The following SYN2 variants were observed in gnomAD, a reference collection of about 807,000 sequenced individuals.
The protein encoded by SYN2 is synapsin-2.
A neutral mutation model predicts 50.9 loss-of-function variants in SYN2; 19 were observed. The ratio of observed to expected loss-of-function variants is 0.37; its 90% CI spans 0.26 to 0.55. The LOEUF (loss-of-function observed/expected upper bound fraction) is 0.55, where lower values mean the gene tolerates loss of function less well. Among genes scored for constraint, SYN2 ranks in the 20% least tolerant of loss-of-function variants. The pLI is 0.81. For missense variants in SYN2, 587 were observed against 576.4 expected (o/e 1.02, Z -0.19); for synonymous variants, 255 against 224.9 (o/e 1.13, Z -1.20).
In SYN2 at chr3:12,167,143, C is replaced by A. The variant is rs1697819378; in HGVS notation, c.981-91C>A. The A allele has an allele frequency of 4.5e-6, 6 of 1,319,364 alleles. No homozygotes were observed. The Admixed American group carries it at 7.9e-5, about 17-fold the overall frequency. 81.7% of individuals were successfully genotyped at this position (1,319,364 alleles called of 1,614,324 possible). A position where few individuals can be genotyped will look rare whatever the true frequency, so the allele number is the denominator to read the frequency against. On this transcript the variant is annotated intron_variant, in intron 7 of 12. Coordinates refer to ENST00000621198, the MANE Select transcript of SYN2 (RefSeq NM_133625.6). ...TTGTGGGAGAAGCAGGTGTGGAAAG[C>A]AACAGTGAACTAAAATTCTGGAAAG...
intron 1 of SYN2, among the ~76,000 whole-genome samples, chr3:12,122,742 G>T (rs1164188805): frequency 2.0e-5 from 3 of 152,034 alleles, no homozygotes; most frequent in Non-Finnish European, 4.4e-5. Flanking sequence ...ATTATGCCCA[G>T]CCACTGATAC....
chr3:12,169,659 C>A, intron 9 of SYN2, 98 bp from the exon 10 acceptor site: 2 of 1,357,704 alleles, frequency 1.5e-6, no homozygotes, highest in Non-Finnish European at 1.0e-6. Flanking sequence ...ATCTCCAGTC[C>A]ATCTCTGCTG....
At chr3:12,078,006 C>G (rs747101246) in intron 1 of SYN2, among the ~76,000 whole-genome samples, 1 of 152,034 alleles carries the variant, frequency 6.6e-6, no homozygotes, top group Non-Finnish European at 1.5e-5. Flanking sequence ...TTTTAATAAT[C>G]GCCATTCTGA....
intron 1 of SYN2, among the ~76,000 whole-genome samples, chr3:12,073,755 T>C (rs1396646534): frequency 6.6e-6 from 1 of 152,180 alleles, no homozygotes; most frequent in Admixed American, 6.6e-5. Flanking sequence ...TTGTTGAGGG[T>C]GACTTTATGA....
intron 1 of SYN2, among the ~76,000 whole-genome samples, chr3:12,038,517 G>A (rs1694549207): frequency 1.3e-5 from 2 of 151,910 alleles, no homozygotes; most frequent in South Asian, 2.1e-4. Flanking sequence ...GGAGATATTG[G>A]CATTTATTAA....
At chr3:12,161,808 T>G in intron 6 of SYN2, 200 bp downstream of exon 6, 1 of 968,300 alleles carries the variant, frequency 1.0e-6, no homozygotes, top group East Asian at 2.6e-5. Context: ...TGCTTGGTCC[T>G]CTGGGTCCTT....
chr3:12,188,735 T>C (rs1698392955), intron 12 of SYN2, among the ~76,000 whole-genome samples: 1 of 152,108 alleles, frequency 6.6e-6, no homozygotes, highest in Admixed American at 6.5e-5. Context: ...GGGAGGGGCA[T>C]CACCCACTCT....
chr3:12,190,501 C>T lies in SYN2; in HGVS notation c.1625C>T (p.Ser542Phe). The change falls in exon 13 of 13, where the codon TCC becomes TTC. Residue 542 changes from serine to phenylalanine, a missense_variant. By Grantham distance (155) the Ser-to-Phe change is radical. Coordinates refer to ENST00000621198, the MANE Select transcript of SYN2 (RefSeq NM_133625.6). ...TTTTTATCTTCAAGCAAGTCGCAGT[C>T]CCTGACAAATGCCTTCAGCTTCTCT... Reference protein sequence around the residue: ...QPHPQLNKSQSLTNAFSFSES... With the variant: ...QPHPQLNKSQFLTNAFSFSES... The T allele has an allele frequency of 6.2e-7, 1 of 1,613,834 alleles. No individual in the cohort carries two copies. Among genetic ancestry groups the T allele is most frequent in the Non-Finnish European group, 8.5e-7 (1 of 1,179,834 alleles).
chr3:12,190,352 C>G (rs1698422621), intron 12 of SYN2, 138 bp from the exon 13 acceptor site: 4 of 1,009,006 alleles, frequency 4.0e-6, no homozygotes, highest in East Asian at 2.4e-5. Flanking sequence ...AGCATGGCCA[C>G]TTCTGGCATT....
chr3:12,188,685 C>T (rs1223586014), intron 12 of SYN2, among the ~76,000 whole-genome samples: 8 of 152,104 alleles, frequency 5.3e-5, no homozygotes, highest in Admixed American at 4.6e-4. Context: ...CTCAGGTGTC[C>T]AGATGGTCAC....
intron 1 of SYN2, among the ~76,000 whole-genome samples, chr3:12,086,220 A>T (rs1695698558): frequency 6.6e-6 from 1 of 152,138 alleles, no homozygotes; most frequent in African/African-American, 2.4e-5. Flanking sequence ...GAGATTGAAT[A>T]AGTAATAAAA....
chr3:12,160,606 G>A (rs1040500104), intron 5 of SYN2, among the ~76,000 whole-genome samples: 4 of 152,224 alleles, frequency 2.6e-5, no homozygotes, highest in African/African-American at 9.6e-5. Flanking sequence ...GACCAAGATA[G>A]AGGCTGATGT....
At chr3:12,041,090 G>A (rs942862903) in intron 1 of SYN2, among the ~76,000 whole-genome samples, 3 of 152,204 alleles carry the variant, frequency 2.0e-5, no homozygotes, top group Admixed American at 2.0e-4. Flanking sequence ...AGCAGATGGA[G>A]TGAGGATTTC....
chr3:12,167,526 TC>T (rs1359759163), intron 8 of SYN2, among the ~76,000 whole-genome samples: 36 of 152,292 alleles, frequency 2.4e-4, no homozygotes, highest in Admixed American at 2.1e-3. Context: ...GGTAAAAGCT[TC>T]CTGAGGCCTC....
At position 12,162,054 on chromosome 3, in the gene SYN2, G is replaced by A. The variant is rs770070683; in HGVS notation, c.880G>A (p.Val294Met). 8 of 1,614,038 alleles carry A rather than the reference G, an allele frequency of 5.0e-6. No individual in the cohort carries two copies. Among genetic ancestry groups the A allele is most frequent in the Admixed American group, 3.3e-5 (2 of 60,022 alleles). ...CTACGACTTCCAGGACATTGCCAGC[G>A]TGGTGGCTCTCACCCAGACCTATGC... is the stretch of plus-strand genomic sequence containing the variant. ...NHYDFQDIASVVALTQTYATA... is the reference protein window; with the variant it reads ...NHYDFQDIASMVALTQTYATA... The change falls in exon 7 of 13, where the codon GTG becomes ATG. Residue 294 changes from valine to methionine, a missense_variant. Physicochemically the swap from Val to Met is conservative, Grantham distance 21 (BLOSUM62 1). Transcript: ENST00000621198.
chr3:12,081,691 C>T, intron 1 of SYN2, among the ~76,000 whole-genome samples: 1 of 152,214 alleles, frequency 6.6e-6, no homozygotes, highest in East Asian at 1.9e-4. Context: ...CAGTAGCCAT[C>T]TAATCCGTCA....
chr3:12,167,959 GC>G (rs1697843501), intron 8 of SYN2, among the ~76,000 whole-genome samples: 1 of 152,200 alleles, frequency 6.6e-6, no homozygotes, highest in Non-Finnish European at 1.5e-5. Flanking sequence ...TTGTGTCCGT[GC>G]CCTGGGGATT....
At chr3:12,034,442 A>T (rs1694450956) in intron 1 of SYN2, among the ~76,000 whole-genome samples, 1 of 152,188 alleles carries the variant, frequency 6.6e-6, no homozygotes, top group African/African-American at 2.4e-5. Context: ...GTTCTAGATA[A>T]AAATACTGTC....
At chr3:12,116,959 C>T (rs1032227277) in intron 1 of SYN2, among the ~76,000 whole-genome samples, 2 of 152,038 alleles carry the variant, frequency 1.3e-5, no homozygotes, top group Non-Finnish European at 2.9e-5. Context: ...CTATGTTACC[C>T]AGGCTGGTCT....
Sources: allele counts gnomAD v4.1 joint callset (sites outside exome capture counted in the v4.1 genomes callset), GRCh38; gene constraint gnomAD v4.1.1; transcripts MANE v1.5; gene names NCBI Gene and HGNC (gene_info 2026-07-23, HGNC 2026-07-21).